The following RNF144A variants were observed in gnomAD, a reference collection of about 807,000 sequenced individuals.
RNF144A encodes the protein ring finger protein 144A.
RNF144A carries 11 observed loss-of-function variants against 38.7 expected under a neutral mutation model. The observed-to-expected ratio is 0.28, with a 90% CI of 0.18 to 0.47. The LOEUF is 0.47. Among genes scored for constraint, RNF144A ranks in the 20% least tolerant of loss-of-function variants. The probability of loss-of-function intolerance (pLI) is 0.99; values close to 1 mark genes in which losing one functional copy is unlikely to be tolerated. For synonymous variants in RNF144A, 149 were observed against 143.9 expected (o/e 1.04, Z -0.25); for missense variants, 316 against 377.2 (o/e 0.84, Z 1.34).
intron 2 of RNF144A, among the ~76,000 whole-genome samples, chr2:6,990,966 A>G (rs1669331204): frequency 6.6e-6 from 1 of 152,160 alleles, no homozygotes; most frequent in South Asian, 2.1e-4. Context: ...GGCTTCTTGC[A>G]GGTAGTAATA....
intron 7 of RNF144A, among the ~76,000 whole-genome samples, chr2:7,028,395 T>C (rs776018801): frequency 1.3e-5 from 2 of 152,132 alleles, no homozygotes; most frequent in Non-Finnish European, 2.9e-5. Context: ...TCAGAATCAC[T>C]TAGGGAGCCT....
At position 7,061,464 on chromosome 2, in the gene RNF144A, A is replaced by G. The variant is rs549214814; in HGVS notation, c.735-6752A>G. Reference sequence around the variant, plus strand: ...AGGGAAAATGGAGGAGCCAAGTCACATGGCAAGGGTGATGATGTTTTTTTT... The same window carrying G: ...AGGGAAAATGGAGGAGCCAAGTCACGTGGCAAGGGTGATGATGTTTTTTTT... On this transcript the variant is annotated intron_variant, in intron 6 of 6. Coordinates refer to the RNF144A transcript ENST00000432850. 7.2e-5 allele frequency among the ~76,000 whole-genome samples: 11 copies of G among 152,338 alleles called. 1 individual carries two copies. In the East Asian group the frequency reaches 1.9e-3, roughly 27 times the overall value.
rs1666219069 is a variant in RNF144A, at chr2:6,944,638, G to A, written c.-12+3491G>A. Among the ~76,000 whole-genome samples the A allele has an allele frequency of 6.6e-6, 1 of 152,054 alleles. No individual in the cohort carries two copies. The highest frequency in any genetic ancestry group is 6.5e-5 in the Admixed American group (1 of 15,272). On this transcript the variant is annotated intron_variant, in intron 2 of 8. Coordinates refer to ENST00000320892, the MANE Select transcript of RNF144A (RefSeq NM_014746.6). The surrounding 1 kb of genome is among the most constrained non-coding windows in gnomAD (Gnocchi z 4.7). ...TAGGATTATTGCATCTTTCCCTGCA[G>A]TGCTTTTGCTGGCCCCGAGATAGGG...
At chr2:6,992,237 G>A (rs551301088) in intron 2 of RNF144A, among the ~76,000 whole-genome samples, 10 of 152,200 alleles carry the variant, frequency 6.6e-5, no homozygotes, top group Non-Finnish European at 1.2e-4. Context: ...CCAGGCTCAC[G>A]GAAACAGATC....
intron 1 of RNF144A, among the ~76,000 whole-genome samples, chr2:6,935,572 A>G (rs909422947): frequency 1.2e-4 from 18 of 152,066 alleles, no homozygotes; most frequent in Non-Finnish European, 2.6e-4. Flanking sequence ...CAGCATGTAG[A>G]TGGGATGGCC....
chr2:7,037,381 T>C lies in RNF144A; in HGVS notation c.748-2248T>C, dbSNP rs138666289. Among the ~76,000 whole-genome samples, 373 of 152,368 alleles carry C rather than the reference T, an allele frequency of 2.4e-3. 1 individual carries two copies. The highest frequency in any genetic ancestry group is 3.9e-3 in the Non-Finnish European group (264 of 68,040). On this transcript the variant is annotated intron_variant, in intron 8 of 8. Coordinates refer to ENST00000320892, the MANE Select transcript of RNF144A (RefSeq NM_014746.6). ...CATTATTTTGACTGCAAAGAATGTG[T>C]GGCTCTTTCAAGACTGACAGTTGTG... is the stretch of plus-strand genomic sequence containing the variant.
chr2:7,039,412 T>C (rs564967860), intron 8 of RNF144A, among the ~76,000 whole-genome samples: 1 of 151,894 alleles, frequency 6.6e-6, no homozygotes, highest in Non-Finnish European at 1.5e-5. Flanking sequence ...GATGGATAGA[T>C]GGATGGGTAG....
chr2:7,010,351 C>A (rs1670715808), intron 3 of RNF144A, among the ~76,000 whole-genome samples: 1 of 152,198 alleles, frequency 6.6e-6, no homozygotes, highest in Non-Finnish European at 1.5e-5. Flanking sequence ...AACCACTGTT[C>A]ATGGGGCTTT....
intron 2 of RNF144A, among the ~76,000 whole-genome samples, chr2:6,974,927 G>A (rs544680900): frequency 6.6e-6 from 1 of 152,330 alleles, no homozygotes; most frequent in East Asian, 1.9e-4. Flanking sequence ...CCAAATAGAT[G>A]TATAGAATGA....
chr2:6,996,746 C>T (rs925672984), intron 2 of RNF144A, 170 bp from the exon 3 acceptor site: 2 of 601,400 alleles, frequency 3.3e-6, no homozygotes, highest in East Asian at 5.6e-5. Context: ...GAGCGAGACT[C>T]CATCTCAAAA....
chr2:7,033,718 T>G (rs1206917450), intron 8 of RNF144A, among the ~76,000 whole-genome samples: 1 of 152,174 alleles, frequency 6.6e-6, no homozygotes, highest in Non-Finnish European at 1.5e-5. Context: ...CCCACCCCAC[T>G]CTGGTCATAG....
chr2:6,984,057 G>C (rs1385333026), intron 2 of RNF144A, among the ~76,000 whole-genome samples: 3 of 152,162 alleles, frequency 2.0e-5, no homozygotes, highest in Non-Finnish European at 4.4e-5. Context: ...GGGCCACAGT[G>C]CTCTGCATTT....
At chr2:7,022,984 C>G (rs1376649361) in intron 6 of RNF144A, among the ~76,000 whole-genome samples, 1 of 152,156 alleles carries the variant, frequency 6.6e-6, no homozygotes, top group African/African-American at 2.4e-5. Flanking sequence ...TTATTGAGTG[C>G]CTGGTACTTA....
chr2:7,052,732 A>C (rs1209408981), intron 6 of RNF144A, among the ~76,000 whole-genome samples: 1 of 152,008 alleles, frequency 6.6e-6, no homozygotes. Flanking sequence ...CTGTTGTAAC[A>C]TGGGGTGGGG....
intron 6 of RNF144A, among the ~76,000 whole-genome samples, chr2:7,064,233 C>T (rs547415774): frequency 4.5e-4 from 68 of 152,160 alleles, no homozygotes; most frequent in South Asian, 4.4e-3. Context: ...TTGGAAGACA[C>T]ATTAAAATCA....
chr2:6,975,283 A>G (rs1394308544), intron 2 of RNF144A, among the ~76,000 whole-genome samples: 1 of 152,152 alleles, frequency 6.6e-6, no homozygotes, highest in Non-Finnish European at 1.5e-5. Context: ...ATTCACTATC[A>G]CAAGAACAGC....
intron 2 of RNF144A, among the ~76,000 whole-genome samples, chr2:6,947,274 TA>T (rs1666399885): frequency 6.6e-6 from 1 of 152,088 alleles, no homozygotes; most frequent in Non-Finnish European, 1.5e-5. Context: ...ATCTTGTTTT[TA>T]TTAATTATAT....
chr2:7,057,968 C>T (rs796289215), intron 6 of RNF144A, among the ~76,000 whole-genome samples: 1 of 152,118 alleles, frequency 6.6e-6, no homozygotes, highest in Non-Finnish European at 1.5e-5. Flanking sequence ...CAGGTTTAAA[C>T]GATGGAGTAG....
chr2:7,007,979 G>A (rs1670558665), intron 3 of RNF144A, among the ~76,000 whole-genome samples: 1 of 152,226 alleles, frequency 6.6e-6, no homozygotes, highest in African/African-American at 2.4e-5. Flanking sequence ...CTCCAGAGGT[G>A]AGGGGAAGGC....
Sources: gnomAD v4.1 joint callset for allele counts (sites outside exome capture counted in the v4.1 genomes callset) on GRCh38, gnomAD v4.1.1 for gene constraint, Gnocchi (gnomAD v3.1) non-coding constraint, MANE v1.5 for transcripts, NCBI Gene and HGNC (gene_info 2026-07-23, HGNC 2026-07-21) for gene names.